SORCS3: variants seen among roughly 807,000 people sequenced by gnomAD.
SORCS3 encodes sortilin related VPS10 domain containing receptor 3, also known as VPS10 domain-containing receptor SorCS3.
SORCS3 carries 57 observed loss-of-function variants against 146.3 expected under a neutral mutation model. The ratio of observed to expected loss-of-function variants is 0.39; its 90% CI spans 0.31 to 0.49. SORCS3 has a LOEUF of 0.49. Ranked by LOEUF, SORCS3 falls within the 20% of genes least tolerant of loss-of-function variation. The pLI is 0.92. For synonymous variants in SORCS3, 653 were observed against 618.5 expected, an observed-to-expected ratio of 1.06 and a Z score of -0.83; for missense variants, 1,341 against 1,575.5, an observed-to-expected ratio of 0.85 and a Z score of 2.52.
At chr10:104,853,105 C>T (rs1223982653) in intron 2 of SORCS3, among the ~76,000 whole-genome samples, 1 of 152,216 alleles carries the variant, frequency 6.6e-6, no homozygotes, top group Non-Finnish European at 1.5e-5. Flanking sequence ...CCAGACCAGC[C>T]TGACCAACAT....
chr10:104,718,431 C>T (rs562918301), intron 1 of SORCS3, among the ~76,000 whole-genome samples: 2 of 152,154 alleles, frequency 1.3e-5, no homozygotes, highest in Non-Finnish European at 2.9e-5. Context: ...GACATAATCA[C>T]CTCTTAAAGG....
At chr10:104,721,534 G>A (rs2016548912) in intron 1 of SORCS3, among the ~76,000 whole-genome samples, 1 of 151,524 alleles carries the variant, frequency 6.6e-6, no homozygotes, top group Non-Finnish European at 1.5e-5. Flanking sequence ...GTAGCTTGAT[G>A]GGGATGGCAT....
chr10:104,868,297 C>G (rs2018481335), intron 2 of SORCS3, among the ~76,000 whole-genome samples: 1 of 152,180 alleles, frequency 6.6e-6, no homozygotes, highest in South Asian at 2.1e-4. Flanking sequence ...TTGAGAAACA[C>G]CACATGGCAA....
At chr10:105,184,472 A>G (rs1402657574) in intron 14 of SORCS3, among the ~76,000 whole-genome samples, 1 of 152,222 alleles carries the variant, frequency 6.6e-6, no homozygotes, top group Non-Finnish European at 1.5e-5. Context: ...CTGAACAAGA[A>G]TGCCCATGGG....
chr10:105,192,299 G>T (rs774336119), intron 14 of SORCS3, among the ~76,000 whole-genome samples: 2 of 151,962 alleles, frequency 1.3e-5, no homozygotes, highest in Non-Finnish European at 2.9e-5. Flanking sequence ...TTGACCTAAG[G>T]CTTACAGAAT....
chr10:104,901,403 T>C (rs1393094416), intron 2 of SORCS3, among the ~76,000 whole-genome samples: 1 of 152,224 alleles, frequency 6.6e-6, no homozygotes, highest in East Asian at 1.9e-4. Context: ...ACCACTCTGG[T>C]AATATATTCC....
intron 1 of SORCS3, among the ~76,000 whole-genome samples, chr10:104,679,274 G>C (rs1429797837): frequency 6.6e-6 from 1 of 152,144 alleles, no homozygotes; most frequent in South Asian, 2.1e-4. Flanking sequence ...TCTTTCTTGT[G>C]GGGAGGGAAG....
At chr10:104,937,612 A>C (rs1286138100) in intron 3 of SORCS3, among the ~76,000 whole-genome samples, 1 of 152,218 alleles carries the variant, frequency 6.6e-6, no homozygotes, top group Non-Finnish European at 1.5e-5. Context: ...GGTGCATATG[A>C]TACGTTTTCC....
chr10:104,900,534 T>A (rs1322921587), intron 2 of SORCS3, among the ~76,000 whole-genome samples: 1 of 152,196 alleles, frequency 6.6e-6, no homozygotes, highest in Non-Finnish European at 1.5e-5. Flanking sequence ...TTAGCAGATA[T>A]GTAGGAGCCT....
intron 4 of SORCS3, among the ~76,000 whole-genome samples, chr10:105,042,223 A>G (rs2055342812): frequency 6.6e-6 from 1 of 152,320 alleles, no homozygotes; most frequent in Admixed American, 6.5e-5. Flanking sequence ...CAGTGAATAC[A>G]GTGGTGGCAC....
intron 11 of SORCS3, among the ~76,000 whole-genome samples, chr10:105,160,957 A>G (rs1030696388): frequency 3.9e-5 from 6 of 152,214 alleles, no homozygotes; most frequent in South Asian, 2.1e-4. Context: ...AGATGGAAGT[A>G]TGTGTCTATA....
intron 7 of SORCS3, among the ~76,000 whole-genome samples, chr10:105,117,139 G>A (rs547091523): frequency 7.9e-5 from 12 of 152,144 alleles, no homozygotes; most frequent in African/African-American, 2.9e-4. Context: ...AGGCTGTCTA[G>A]TGGGATTGAG....
intron 3 of SORCS3, among the ~76,000 whole-genome samples, chr10:104,953,687 C>T (rs1206247818): frequency 6.6e-6 from 1 of 152,194 alleles, no homozygotes; most frequent in Non-Finnish European, 1.5e-5. Flanking sequence ...TCTTAGACTT[C>T]CCTTTCTGCT....
At chr10:105,173,510 A>T (rs2056376713) in intron 13 of SORCS3, among the ~76,000 whole-genome samples, 1 of 151,448 alleles carries the variant, frequency 6.6e-6, no homozygotes, top group Non-Finnish European at 1.5e-5. Flanking sequence ...AAATATTTCC[A>T]TTTTTTTTCC....
chr10:104,724,054 C>T (rs1317967140), intron 1 of SORCS3, among the ~76,000 whole-genome samples: 1 of 152,120 alleles, frequency 6.6e-6, no homozygotes, highest in Non-Finnish European at 1.5e-5. Flanking sequence ...TTAGTTGATG[C>T]AGTTTCTTCC....
intron 4 of SORCS3, among the ~76,000 whole-genome samples, chr10:104,991,535 T>A (rs1272651773): frequency 6.7e-6 from 1 of 150,006 alleles, no homozygotes; most frequent in Non-Finnish European, 1.5e-5. Context: ...AGAGTCTTGC[T>A]CTGTTGCCCA....
intron 4 of SORCS3, among the ~76,000 whole-genome samples, chr10:105,018,517 G>T (rs1028169034): frequency 1.3e-5 from 2 of 152,230 alleles, no homozygotes; most frequent in African/African-American, 4.8e-5. Context: ...GCAGAAGTTG[G>T]CATAGGGCAG....
chr10:105,231,316 T>C (rs192323346), intron 20 of SORCS3, among the ~76,000 whole-genome samples: 2 of 152,334 alleles, frequency 1.3e-5, no homozygotes, highest in East Asian at 1.9e-4. Context: ...ATCACACTTG[T>C]TCATTGCTGG....
intron 1 of SORCS3, among the ~76,000 whole-genome samples, chr10:104,735,914 G>C (rs2016766045): frequency 6.6e-6 from 1 of 152,044 alleles, no homozygotes; most frequent in Non-Finnish European, 1.5e-5. Context: ...AAGAAATGCA[G>C]CCCTCCAAAC....
Sources: allele counts gnomAD v4.1 joint callset (sites outside exome capture counted in the v4.1 genomes callset), GRCh38; gene constraint gnomAD v4.1.1; transcripts MANE v1.5; gene names NCBI Gene and HGNC (gene_info 2026-07-23, HGNC 2026-07-21).